The following AGAP1 variants were observed in gnomAD, a reference collection of about 807,000 sequenced individuals.
AGAP1 encodes ArfGAP with GTPase domain, ankyrin repeat and PH domain 1.
A neutral mutation model predicts 105.3 loss-of-function variants in AGAP1; 29 were observed. That is an observed-to-expected ratio of 0.28 (90% confidence interval 0.21 to 0.38). The LOEUF (loss-of-function observed/expected upper bound fraction) is 0.38. AGAP1 is among the 10% of genes least tolerant of loss of function. The probability of loss-of-function intolerance (pLI) is 1.00; values close to 1 mark genes in which losing one functional copy is unlikely to be tolerated. For synonymous variants in AGAP1, 509 were observed against 485.9 expected (o/e 1.05, Z -0.63); for missense variants, 998 against 1,165.1 (o/e 0.86, Z 2.09).
In AGAP1 at chr2:235,599,740, A is replaced by T. The variant is rs1466087021; in HGVS notation, c.163+104891A>T. Among the ~76,000 whole-genome samples, 1 of 152,032 alleles carries T rather than the reference A, an allele frequency of 6.6e-6. No individual in the cohort carries two copies. The highest frequency in any genetic ancestry group is 1.5e-5 in the Non-Finnish European group (1 of 67,988). ...TCTGGGTCCCACGTGATTCTACCTG[A>T]TCGCTGGCTCTCTAGGGCTTTTCCC... On this transcript the variant is annotated intron_variant, in intron 1 of 17. Transcript: ENST00000304032. The surrounding 1 kb of genome is among the most constrained non-coding windows in gnomAD (Gnocchi z 5.3).
intron 1 of AGAP1, among the ~76,000 whole-genome samples, chr2:235,500,062 ATG>A (rs1378973582): frequency 6.6e-6 from 1 of 152,078 alleles, no homozygotes; most frequent in East Asian, 1.9e-4. Flanking sequence ...ACTCAGTGTC[ATG>A]TGGTGTTTGG....
At position 236,036,097 on chromosome 2, in the gene AGAP1, C is replaced by T. The variant is rs978851422; in HGVS notation, c.1646-464C>T. ...CTCTCCCACGGTAACAGGTCCTCTG[C>T]CATAAAAGAACAGAACCTTCCCGCG... On this transcript the variant is annotated intron_variant, in intron 13 of 17. Transcript: ENST00000304032. The surrounding 1 kb of genome is among the most constrained non-coding windows in gnomAD (Gnocchi z 5.7). Among the ~76,000 whole-genome samples, 2 of 152,152 alleles carry T rather than the reference C, an allele frequency of 1.3e-5. No individual in the cohort carries two copies. Among genetic ancestry groups the T allele is most frequent in the African/African-American group, 4.8e-5 (2 of 41,436 alleles).
At position 235,953,219 on chromosome 2, in the gene AGAP1, T is replaced by C. The variant is rs1408074184; in HGVS notation, c.1484-15243T>C. ...AAATATTTTAGGTGTTTACAAAATA[T>C]TTCTATGAGGACAGATAAGGGGGAA... On this transcript the variant is annotated intron_variant, in intron 12 of 17. Coordinates refer to ENST00000304032, the MANE Select transcript of AGAP1 (RefSeq NM_001037131.3). The surrounding 1 kb of genome is among the most constrained non-coding windows in gnomAD (Gnocchi z 5.2). Among the ~76,000 whole-genome samples the C allele has an allele frequency of 6.6e-6, 1 of 152,210 alleles. No individual in the cohort carries two copies. Among genetic ancestry groups the C allele is most frequent in the Non-Finnish European group, 1.5e-5 (1 of 68,032 alleles).
Position 235,515,153 on chromosome 2 carries a change from C to G in AGAP1, c.163+20304C>G, listed in dbSNP as rs529774133. ...AGCTGGGCACTGTGGTAAGTTGACTCTTTGGGTCCTTGGTTGGAAACATGA... is the reference window on the plus strand; with the variant it reads ...AGCTGGGCACTGTGGTAAGTTGACTGTTTGGGTCCTTGGTTGGAAACATGA... On this transcript the variant is annotated intron_variant, in intron 1 of 17. Transcript: ENST00000304032. 1.2e-4 allele frequency among the ~76,000 whole-genome samples: 19 copies of G among 152,276 alleles called. No homozygotes were observed. In the South Asian group the frequency reaches 3.7e-3, roughly 30 times the overall value.
chr2:235,762,886 A>AT (rs1345830151), intron 6 of AGAP1, among the ~76,000 whole-genome samples: 1 of 152,164 alleles, frequency 6.6e-6, no homozygotes, highest in African/African-American at 2.4e-5. Flanking sequence ...AAAACAGGAA[A>AT]GAAAGATAGA....
chr2:235,882,996 A>T lies in AGAP1; in HGVS notation c.1051-349A>T, dbSNP rs975968737. 6.6e-6 allele frequency among the ~76,000 whole-genome samples: 1 copy of T among 151,714 alleles called. No homozygotes were observed. The highest frequency in any genetic ancestry group is 3.4e-3 in the Middle Eastern group (1 of 294). On this transcript the variant is annotated intron_variant, in intron 9 of 17. Coordinates refer to ENST00000304032, the MANE Select transcript of AGAP1 (RefSeq NM_001037131.3). The surrounding 1 kb of genome is among the most constrained non-coding windows in gnomAD (Gnocchi z 4.6). ...CCCAGCTAATTTTATTTATTTATTTATTTTTTTAGAGATGGGGGTGTCAGC... is the reference window on the plus strand; with the variant it reads ...CCCAGCTAATTTTATTTATTTATTTTTTTTTTTAGAGATGGGGGTGTCAGC...
chr2:235,635,532 A>G lies in AGAP1; in HGVS notation c.164-73647A>G, dbSNP rs1559304095. On this transcript the variant is annotated intron_variant, in intron 1 of 17. Coordinates refer to ENST00000304032, the MANE Select transcript of AGAP1 (RefSeq NM_001037131.3). The surrounding 1 kb of genome is among the most constrained non-coding windows in gnomAD (Gnocchi z 5.3). ...GATGATTCAACATGATTTGGAAACC[A>G]TGGGGTAAGTCTCTGAGGAACAAGA... Among the ~76,000 whole-genome samples, 2 of 152,142 alleles carry G rather than the reference A, an allele frequency of 1.3e-5. No individual in the cohort carries two copies. Among genetic ancestry groups the G allele is most frequent in the African/African-American group, 4.8e-5 (2 of 41,434 alleles).
At chr2:235,758,638 G>A (rs1954137918) in intron 6 of AGAP1, among the ~76,000 whole-genome samples, 1 of 152,150 alleles carries the variant, frequency 6.6e-6, no homozygotes, top group Non-Finnish European at 1.5e-5. Context: ...CATTAAGGGG[G>A]TTCATATTTG....
At chr2:235,910,286 G>GGGCAGTCACTGAGCTGGTTCTTTCCCAC (rs2051537777) in intron 11 of AGAP1, among the ~76,000 whole-genome samples, 1 of 7,686 alleles carries the variant, frequency 1.3e-4, no homozygotes, top group East Asian at 0.01. Flanking sequence ...TGCCTGTGTT[G>GGGCAGTCACTGAGCTGGTTCTTTCCCAC]CAGGGGGGCG....
Position 235,690,532 on chromosome 2 carries a change from GC to G in AGAP1, c.164-18645del, listed in dbSNP as rs1355665252. Among the ~76,000 whole-genome samples, 4 of 152,200 alleles carry G rather than the reference GC, an allele frequency of 2.6e-5. No homozygotes were observed. In the East Asian group the frequency reaches 7.7e-4, roughly 29 times the overall value. ...TCCTAGCTTCCGGTAGAGGAGGCTG[GC>G]CAACTCAGACACCTAAGCAGCCACA... On this transcript the variant is annotated intron_variant, in intron 1 of 17. Transcript: ENST00000304032. The surrounding 1 kb of genome is among the most constrained non-coding windows in gnomAD (Gnocchi z 4.1).
In AGAP1 at chr2:235,747,115, A is replaced by G. The variant is rs147784458; in HGVS notation, c.538+2276A>G. Among the ~76,000 whole-genome samples the G allele has an allele frequency of 2.4e-3, 360 of 151,998 alleles. 1 individual carries two copies. The highest frequency in any genetic ancestry group is 8.2e-3 in the African/African-American group (338 of 41,454). On this transcript the variant is annotated intron_variant, in intron 5 of 17. Transcript: ENST00000304032. The surrounding 1 kb of genome is among the most constrained non-coding windows in gnomAD (Gnocchi z 5.0). ...GGCTGCTTTTGTTCCTCATATTTCA[A>G]TCTGCGACCAGTGTTCCAGGGTCCT...
At chr2:235,909,009 A>G in intron 11 of AGAP1, 103 bp downstream of exon 11, 4 of 1,126,942 alleles carry the variant, frequency 3.5e-6, no homozygotes, top group Non-Finnish European at 5.1e-6. Context: ...GACAGTAACT[A>G]TCACATTACA....
At chr2:236,099,015 C>T (rs1209602049) in intron 16 of AGAP1, among the ~76,000 whole-genome samples, 1 of 151,950 alleles carries the variant, frequency 6.6e-6, no homozygotes, top group Non-Finnish European at 1.5e-5. Flanking sequence ...GAGGCTAGTC[C>T]TAGGAGCAGA....
intron 9 of AGAP1, among the ~76,000 whole-genome samples, chr2:235,832,896 CT>C (rs1307390038): frequency 1.3e-5 from 2 of 152,236 alleles, no homozygotes; most frequent in African/African-American, 4.8e-5. Context: ...AGGCTGGTCT[CT>C]CCCCTGCTTC....
At chr2:236,100,708 T>C (rs548027449) in intron 16 of AGAP1, among the ~76,000 whole-genome samples, 1 of 152,100 alleles carries the variant, frequency 6.6e-6, no homozygotes, top group South Asian at 2.1e-4. Flanking sequence ...TGCACACCCA[T>C]TGTCCCAACT....
At chr2:235,722,044 G>A (rs1322831576) in intron 3 of AGAP1, among the ~76,000 whole-genome samples, 1 of 152,214 alleles carries the variant, frequency 6.6e-6, no homozygotes, top group Non-Finnish European at 1.5e-5. Flanking sequence ...TTTTCAATTA[G>A]TGAATTAACA....
At chr2:235,831,001 C>T (rs1259484154) in intron 9 of AGAP1, among the ~76,000 whole-genome samples, 1 of 151,912 alleles carries the variant, frequency 6.6e-6, no homozygotes, top group Non-Finnish European at 1.5e-5. Context: ...CCTGGGAAGC[C>T]GTTGTACGGG....
At chr2:235,686,850 G>A (rs1164602501) in intron 1 of AGAP1, among the ~76,000 whole-genome samples, 2 of 146,964 alleles carry the variant, frequency 1.4e-5, no homozygotes, top group African/African-American at 2.5e-5. Context: ...TTTTTGTAGA[G>A]ATGAGGTCTT....
intron 11 of AGAP1, among the ~76,000 whole-genome samples, chr2:235,912,567 G>T (rs777395499): frequency 1.3e-5 from 2 of 151,988 alleles, no homozygotes; most frequent in African/African-American, 2.4e-5. Context: ...TTCTCTTCCC[G>T]TAACTTGCAT....
Sources: gnomAD v4.1 joint callset for allele counts (sites outside exome capture counted in the v4.1 genomes callset) on GRCh38, gnomAD v4.1.1 for gene constraint, Gnocchi (gnomAD v3.1) non-coding constraint, MANE v1.5 for transcripts, NCBI Gene and HGNC (gene_info 2026-07-23, HGNC 2026-07-21) for gene names.